PTPRG: variants seen among roughly 807,000 people sequenced by gnomAD.
PTPRG encodes protein tyrosine phosphatase receptor type G.
PTPRG carries 102 observed loss-of-function variants against 165.3 expected under a neutral mutation model. The observed-to-expected ratio is 0.62, with a 90% CI of 0.53 to 0.73. The LOEUF is 0.73. PTPRG is among the 30% of genes least tolerant of loss of function. The probability of loss-of-function intolerance (pLI) is 0.00; values close to 1 mark genes in which losing one functional copy is unlikely to be tolerated. For missense variants in PTPRG, 1,866 were observed against 1,861.4 expected (o/e 1.00, Z -0.05); for synonymous variants, 675 against 669.5 (o/e 1.01, Z -0.13).
chr3:62,011,363 T>C (rs1559745133), intron 4 of PTPRG, among the ~76,000 whole-genome samples: 1 of 152,190 alleles, frequency 6.6e-6, no homozygotes, highest in Non-Finnish European at 1.5e-5. Flanking sequence ...GGTTAACTCC[T>C]TTCATAGAGT....
intron 1 of PTPRG, among the ~76,000 whole-genome samples, chr3:61,611,774 A>G (rs1701175203): frequency 6.6e-6 from 1 of 152,224 alleles, no homozygotes; most frequent in South Asian, 2.1e-4. Flanking sequence ...TAGTGTTCCA[A>G]TAAAACTTTA....
At chr3:61,992,275 GTT>G (rs1192560886) in intron 3 of PTPRG, among the ~76,000 whole-genome samples, 1 of 151,818 alleles carries the variant, frequency 6.6e-6, no homozygotes, top group Non-Finnish European at 1.5e-5. Context: ...TCTTGAAAGA[GTT>G]TTAACTTATG....
chr3:61,794,044 C>A (rs907053299), intron 2 of PTPRG, among the ~76,000 whole-genome samples: 1 of 152,118 alleles, frequency 6.6e-6, no homozygotes, highest in Non-Finnish European at 1.5e-5. Context: ...TTTGGAGTAT[C>A]TGCTTAGTGT....
intron 2 of PTPRG, among the ~76,000 whole-genome samples, chr3:61,988,425 G>C (rs987799007): frequency 4.6e-5 from 7 of 152,132 alleles, no homozygotes; most frequent in African/African-American, 1.7e-4. Flanking sequence ...AGCCACTCAT[G>C]TGGACTCTTA....
intron 3 of PTPRG, among the ~76,000 whole-genome samples, chr3:61,995,745 T>TTCCCTCCCTCCCTCCC (rs1553702235): frequency 1.8e-5 from 2 of 109,724 alleles, no homozygotes; most frequent in African/African-American, 6.8e-5. Context: ...CCTTCCTTCC[T>TTCCCTCCCTCCCTCCC]TCCCTCCCTC....
At chr3:61,881,003 C>T (rs2037874384) in intron 2 of PTPRG, among the ~76,000 whole-genome samples, 2 of 150,874 alleles carry the variant, frequency 1.3e-5, no homozygotes, top group Non-Finnish European at 2.9e-5. Flanking sequence ...ATCTTCATTC[C>T]ACTCATTTGT....
chr3:62,066,978 C>T (rs1701034176), intron 4 of PTPRG, among the ~76,000 whole-genome samples: 2 of 143,756 alleles, frequency 1.4e-5, no homozygotes, highest in African/African-American at 2.6e-5. Context: ...GAGGAGGTTG[C>T]AGTGAGCCGA....
chr3:61,882,104 A>G (rs1481402066), intron 2 of PTPRG, among the ~76,000 whole-genome samples: 1 of 152,230 alleles, frequency 6.6e-6, no homozygotes, highest in Non-Finnish European at 1.5e-5. Flanking sequence ...AAGAAAATAC[A>G]TGTCAAGTCT....
intron 4 of PTPRG, among the ~76,000 whole-genome samples, chr3:62,075,470 C>A (rs1292435763): frequency 6.6e-6 from 1 of 152,158 alleles, no homozygotes; most frequent in Non-Finnish European, 1.5e-5. Flanking sequence ...GCTGTCCAAA[C>A]CGTAAGGCAA....
At chr3:61,865,632 C>A (rs1193835536) in intron 2 of PTPRG, among the ~76,000 whole-genome samples, 1 of 152,190 alleles carries the variant, frequency 6.6e-6, no homozygotes, top group African/African-American at 2.4e-5. Context: ...GGTCTCTCCA[C>A]CTGCCGACAG....
chr3:61,767,971 C>CAAAAAAAAA (rs35466366), intron 2 of PTPRG, among the ~76,000 whole-genome samples: 2 of 104,166 alleles, frequency 1.9e-5, no homozygotes, highest in Admixed American at 1.1e-4. Flanking sequence ...GACCCTGTCT[C>CAAAAAAAAA]AAAAAAAAAA....
At chr3:62,189,340 G>A (rs1483315468) in intron 8 of PTPRG, among the ~76,000 whole-genome samples, 5 of 152,248 alleles carry the variant, frequency 3.3e-5, no homozygotes, top group East Asian at 3.9e-4. Context: ...TGGGCCATGC[G>A]TCTCTGGCAG....
At chr3:61,973,511 C>T (rs1470453305) in intron 2 of PTPRG, among the ~76,000 whole-genome samples, 1 of 152,002 alleles carries the variant, frequency 6.6e-6, no homozygotes, top group Non-Finnish European at 1.5e-5. Context: ...TGCATCTTGC[C>T]AAATAGGACT....
At chr3:61,640,633 A>G (rs995310342) in intron 1 of PTPRG, among the ~76,000 whole-genome samples, 1 of 152,210 alleles carries the variant, frequency 6.6e-6, no homozygotes, top group Non-Finnish European at 1.5e-5. Context: ...GAGCTGTCTG[A>G]TCAGAGTCTA....
Position 62,255,116 on chromosome 3 carries a change from C to T in PTPRG, c.2468-8C>T, listed in dbSNP as rs1252422327. On this transcript the variant is annotated splice_polypyrimidine_tract_variant and splice_region_variant and intron_variant, in intron 15 of 29. Transcript: ENST00000474889. The surrounding 1 kb of genome is among the most constrained non-coding windows in gnomAD (Gnocchi z 4.0). ...ATGTAACTTTGAATATTATTTTATT[C>T]CCCCCAGATGACATGGAAGCCATTC... The T allele has an allele frequency of 1.2e-6, 2 of 1,600,054 alleles. No individual in the cohort carries two copies. Among genetic ancestry groups the T allele is most frequent in the Non-Finnish European group, 8.5e-7 (1 of 1,170,728 alleles).
chr3:62,053,941 A>T (rs1435468266), intron 4 of PTPRG, among the ~76,000 whole-genome samples: 1 of 152,194 alleles, frequency 6.6e-6, no homozygotes, highest in Non-Finnish European at 1.5e-5. Flanking sequence ...AAATGTTCAA[A>T]TATGAAGGGT....
chr3:61,751,728 C>T (rs1308558094), intron 2 of PTPRG, among the ~76,000 whole-genome samples: 2 of 152,174 alleles, frequency 1.3e-5, no homozygotes, highest in African/African-American at 4.8e-5. Context: ...CAGTGGCTCA[C>T]GCCTGTAATC....
In PTPRG at chr3:62,039,162, T is replaced by G. The variant is rs374973966; in HGVS notation, c.519+35665T>G. On this transcript the variant is annotated intron_variant, in intron 4 of 29. Transcript: ENST00000474889. ...GTTGGCTAGGCTGCTCTTGAACTCC[T>G]GACGTTAAGTGATCTGCCTGCCTTG... 1.6e-4 allele frequency among the ~76,000 whole-genome samples: 25 copies of G among 152,226 alleles called. No individual in the cohort carries two copies. The East Asian group carries it at 4.8e-3, about 29-fold the overall frequency.
intron 4 of PTPRG, among the ~76,000 whole-genome samples, chr3:62,040,487 C>G (rs1031723778): frequency 3.3e-5 from 5 of 152,234 alleles, no homozygotes; most frequent in Non-Finnish European, 5.9e-5. Context: ...CAGAGTCTTA[C>G]TCTGTTACCA....
Sources: allele counts gnomAD v4.1 joint callset (sites outside exome capture counted in the v4.1 genomes callset), GRCh38; gene constraint gnomAD v4.1.1; non-coding constraint Gnocchi (gnomAD v3.1); transcripts MANE v1.5; gene names NCBI Gene and HGNC (gene_info 2026-07-23, HGNC 2026-07-21).